Variants in PI4KA observed in about 807,000 individuals in gnomAD.
PI4KA encodes PI4-kinase alpha.
PI4KA carries 122 observed loss-of-function variants against 271.4 expected under a neutral mutation model. That is an observed-to-expected ratio of 0.45 (90% CI 0.39 to 0.52). The LOEUF is 0.52. Ranked by LOEUF, PI4KA falls within the 20% of genes least tolerant of loss-of-function variation. PI4KA has a pLI of 0.00. For synonymous variants in PI4KA, 1,041 were observed against 1,078.8 expected, an observed-to-expected ratio of 0.96 and a Z score of 0.69; for missense variants, 1,969 against 2,769.1, an observed-to-expected ratio of 0.71 and a Z score of 6.48.
chr22:20,720,864 C>T (rs1464127587), intron 43 of PI4KA, among the ~76,000 whole-genome samples: 6 of 152,196 alleles, frequency 3.9e-5, no homozygotes, highest in Non-Finnish European at 7.3e-5. Flanking sequence ...CTCTAATACT[C>T]GTTAACACTG....
intron 1 of PI4KA, among the ~76,000 whole-genome samples, chr22:20,856,442 T>C (rs1927607275): frequency 2.0e-5 from 3 of 151,564 alleles, no homozygotes; most frequent in Non-Finnish European, 4.4e-5. Context: ...TTTTTCTTTT[T>C]TTTTTTTTTT....
rs1934760853 is a variant in PI4KA, at chr22:20,793,207, G to A, written c.2314C>T (p.Pro772Ser). 6.4e-7 allele frequency: 1 copy of A among 1,567,916 alleles called. No individual in the cohort carries two copies. The highest frequency in any genetic ancestry group is 1.7e-5 in the Admixed American group (1 of 59,944). The part of the protein sequence containing the change: ...SSAGNLGVLI[P>S]VIAVLTRRLP... The stretch of plus-strand genomic sequence containing the variant: ...TGAATACTCACCACAGCTATTACAG[G>A]AATGAGTACTCCCAAGTTCCCTGCA... The change falls in exon 19 of 55, where the codon CCT (proline) becomes TCT (serine). Residue 772 changes from proline to serine, a missense_variant. Pro to Ser is a moderately conservative substitution (Grantham distance 74). This residue lies in a region of PI4KA where 368 missense variants were observed against 544.3 expected (regional missense o/e 0.68). Transcript: ENST00000255882.
At chr22:20,798,464 T>C in intron 17 of PI4KA, 120 bp downstream of exon 17, 1 of 754,518 alleles carries the variant, frequency 1.3e-6, no homozygotes, top group Non-Finnish European at 2.4e-6. Context: ...TGTGCACTGA[T>C]CTGTAGCATA....
At chr22:20,763,016 T>TGGGGG (rs764908841) in intron 22 of PI4KA, among the ~76,000 whole-genome samples, 15 of 14,180 alleles carry the variant, frequency 1.1e-3, no homozygotes, top group South Asian at 4.3e-3. Flanking sequence ...GCTTTTTTTT[T>TGGGGG]TGGGGGGGGG....
At chr22:20,751,399 T>A in intron 26 of PI4KA, 23 bp from the exon 27 acceptor site, 1 of 1,604,022 alleles carries the variant, frequency 6.2e-7, no homozygotes, top group Non-Finnish European at 8.5e-7. Flanking sequence ...CAAGACTCCC[T>A]CTTCCAAACT....
At chr22:20,747,420 G>T in intron 29 of PI4KA, 163 bp downstream of exon 29, 1 of 581,624 alleles carries the variant, frequency 1.7e-6, no homozygotes, top group Non-Finnish European at 2.8e-6. Flanking sequence ...TCTTCTTTGG[G>T]CCAAGGTGCG....
chr22:20,758,381 A>C (rs1179063548), intron 23 of PI4KA, among the ~76,000 whole-genome samples: 1 of 148,292 alleles, frequency 6.7e-6, no homozygotes, highest in Non-Finnish European at 1.5e-5. Context: ...AAAAAAAAAA[A>C]AAAAAAAACA....
intron 42 of PI4KA, 177 bp downstream of exon 42, chr22:20,726,311 C>T (rs1160474109): frequency 3.8e-6 from 2 of 523,632 alleles, no homozygotes; most frequent in Non-Finnish European, 6.6e-6. Context: ...AGTGGGTGAA[C>T]ATGGGTATCA....
chr22:20,801,048 G>A lies in PI4KA; in HGVS notation c.1724+925C>T, dbSNP rs185809610. ...TGGGATTACAGGCACGTGCCACCAC[G>A]CCCGGCTAATTTTTTGTATTTGTAG... On this transcript the variant is annotated intron_variant, in intron 14 of 54. Transcript: ENST00000255882. Among the ~76,000 whole-genome samples the A allele has an allele frequency of 7.4e-4, 108 of 146,380 alleles. 3 individuals are homozygous for A. The highest frequency in any genetic ancestry group is 7.2e-3 in the South Asian group (32 of 4,422).
In PI4KA at chr22:20,733,821, G is replaced by A; in HGVS notation, c.4075C>T (p.Leu1359Phe). The A allele has an allele frequency of 4.3e-6, 7 of 1,612,262 alleles. No homozygotes were observed. Among genetic ancestry groups the A allele is most frequent in the Admixed American group, 1.7e-5 (1 of 60,022 alleles). ...TTTGGAACCACATCGGCATGCAGGA[G>A]GGACAGCCCCAGGGTCAGCAGCCTG... ...RFKLLTLGLS[L>F]LHADVVPNAT... The change falls in exon 35 of 55, where the codon CTC becomes TTC. Residue 1359 changes from leucine to phenylalanine, a missense_variant. Coordinates refer to ENST00000255882, the MANE Select transcript of PI4KA (RefSeq NM_058004.4).
At position 20,793,194 on chromosome 22, in the gene PI4KA, A is replaced by G. The variant is rs1569039955; in HGVS notation, c.2327T>C (p.Val776Ala). ...NLGVLIPVIA[V>A]LTRRLPPIKE... ...ATCATTCAATTAATGAATACTCACC[A>G]CAGCTATTACAGGAATGAGTACTCC... The change falls in exon 19 of 55, where the codon GTG becomes GCG. Residue 776 changes from valine to alanine, a missense_variant and splice_region_variant. This residue lies in a region of PI4KA where 368 missense variants were observed against 544.3 expected (regional missense o/e 0.68). Transcript: ENST00000255882. The G allele has an allele frequency of 6.5e-7, 1 of 1,534,204 alleles. No homozygotes were observed. The highest frequency in any genetic ancestry group is 9.0e-7 in the Non-Finnish European group (1 of 1,107,244).
In PI4KA at chr22:20,711,411, G is replaced by C. The variant is rs1310749638; in HGVS notation, c.5853C>G (p.Phe1951Leu). The C allele has an allele frequency of 7.3e-7, 1 of 1,367,066 alleles. No homozygotes were observed. The allele number at this position is 1,367,066 out of a possible 1,614,324, so 84.7% of individuals were successfully genotyped here. Residue 1951 changes from phenylalanine (F) to leucine (L), a missense_variant, in exon 51 of 55, where the codon TTC becomes TTG. Around this residue, in one of 13 missense-constraint regions of PI4KA, gnomAD observed 110 missense variants for 349.8 expected, o/e 0.31. Transcript: ENST00000255882. ...RSMAAYSLLL[F>L]LLQIKDRHNG... ...TGTGTCTGTCCTTGATCTGCAGCAG[G>C]AACAGCAGGAGGCTGTAGGCGGCCA...
chr22:20,761,495 C>A, intron 22 of PI4KA, 109 bp from the exon 23 acceptor site: 1 of 728,484 alleles, frequency 1.4e-6, no homozygotes, highest in South Asian at 1.5e-5. Context: ...TGCCCTCTGT[C>A]ATTCATAAGG....
chr22:20,800,698 T>TAAA (rs61390860), intron 14 of PI4KA, among the ~76,000 whole-genome samples: 33 of 119,430 alleles, frequency 2.8e-4, no homozygotes, highest in Non-Finnish European at 3.0e-4. Flanking sequence ...CCATCTCTAC[T>TAAA]AAAAAAAAAA....
intron 29 of PI4KA, among the ~76,000 whole-genome samples, chr22:20,746,558 A>C (rs917799609): frequency 1.3e-5 from 2 of 152,178 alleles, no homozygotes; most frequent in African/African-American, 4.8e-5. Context: ...TACCACCCCC[A>C]AAAAGGAAAA....
chr22:20,742,301 T>C lies in PI4KA; in HGVS notation c.3668A>G (p.Asn1223Ser), dbSNP rs1367971143. ...HLCWGPLRMF[N>S]EHGMETALAC... ...CAGGGCCGTCTCCATGCCATGCTCA[T>C]TGAACATCCGGAGGGGACCCCAGCA... Residue 1223 changes from asparagine to serine, a missense_variant, in exon 32 of 55, where the codon AAT (asparagine) becomes AGT (serine). Transcript: ENST00000255882. 10 of 1,614,052 alleles carry C rather than the reference T, an allele frequency of 6.2e-6. No individual in the cohort carries two copies. The highest frequency in any genetic ancestry group is 4.0e-5 in the African/African-American group (3 of 74,920).
Position 20,838,667 on chromosome 22 carries a change from C to T in PI4KA, c.221G>A (p.Arg74Gln), listed in dbSNP as rs1455572068. 2.5e-6 allele frequency: 4 copies of T among 1,613,262 alleles called. No individual in the cohort carries two copies. The highest frequency in any genetic ancestry group is 2.5e-6 in the Non-Finnish European group (3 of 1,179,342). ...GCCCAATGCAATCACTGCATCTCTC[C>T]GTCTTTCATCTAACTGGAAGATCCC... Reference protein sequence around the residue: ...FHGIFQLDERRRDAVIALGIF... With the variant: ...FHGIFQLDERQRDAVIALGIF... The change falls in exon 2 of 55, where the codon CGG (arginine) becomes CAG (glutamine). Residue 74 changes from arginine (R) to glutamine (Q), a missense_variant. This residue lies in a region of PI4KA where 540 missense variants were observed against 555.5 expected (regional missense o/e 0.97). Coordinates refer to ENST00000255882, the MANE Select transcript of PI4KA (RefSeq NM_058004.4).
intron 3 of PI4KA, among the ~76,000 whole-genome samples, chr22:20,833,949 C>A (rs1188972165): frequency 6.6e-6 from 1 of 151,888 alleles, no homozygotes; most frequent in African/African-American, 2.4e-5. Context: ...TGAGCCACCA[C>A]GCCCGGCCGA....
At chr22:20,803,914 G>A (rs2147613513) in intron 12 of PI4KA, among the ~76,000 whole-genome samples, 1 of 152,376 alleles carries the variant, frequency 6.6e-6, no homozygotes, top group Middle Eastern at 3.4e-3. Flanking sequence ...CAGGTGTGGA[G>A]TCAGTGGGAT....
Sources: gnomAD v4.1 joint callset for allele counts (sites outside exome capture counted in the v4.1 genomes callset) on GRCh38, gnomAD v4.1.1 for gene constraint, gnomAD v4.1.1 regional missense constraint, MANE v1.5 for transcripts, NCBI Gene and HGNC (gene_info 2026-07-23, HGNC 2026-07-21) for gene names.